EPHB2: variants seen among roughly 807,000 people sequenced by gnomAD.
The protein encoded by EPHB2 is EPH receptor B2.
In EPHB2, 18 loss-of-function variants were observed where a neutral mutation model predicts 96.4. The observed-to-expected ratio is 0.19, with a 90% CI of 0.13 to 0.28. The LOEUF (loss-of-function observed/expected upper bound fraction) is 0.28. Among genes scored for constraint, EPHB2 ranks in the 10% least tolerant of loss-of-function variants. The pLI, the probability that EPHB2 is intolerant of heterozygous loss-of-function variation, is 1.00. For missense variants in EPHB2, 989 were observed against 1,355.4 expected, an observed-to-expected ratio of 0.73 and a Z score of 4.25; for synonymous variants, 506 against 534.1, an observed-to-expected ratio of 0.95 and a Z score of 0.72.
chr1:22,740,860 A>G (rs1275955589), intron 1 of EPHB2, among the ~76,000 whole-genome samples: 1 of 151,238 alleles, frequency 6.6e-6, no homozygotes, highest in Non-Finnish European at 1.5e-5. Context: ...TCGGAGTGTC[A>G]TTTTCCTCAT....
intron 2 of EPHB2, among the ~76,000 whole-genome samples, chr1:22,783,226 T>G (rs1644559800): frequency 6.6e-6 from 1 of 152,198 alleles, no homozygotes; most frequent in Non-Finnish European, 1.5e-5. Context: ...CCTCATCCTC[T>G]GTAAAAGGGG....
chr1:22,802,807 A>G (rs1272030167), intron 3 of EPHB2, among the ~76,000 whole-genome samples: 4 of 152,184 alleles, frequency 2.6e-5, no homozygotes, highest in African/African-American at 9.7e-5. Context: ...CAGCTCACGG[A>G]CCAGCAAATG....
chr1:22,839,584 G>C (rs775024332), intron 3 of EPHB2, among the ~76,000 whole-genome samples: 11 of 152,174 alleles, frequency 7.2e-5, no homozygotes, highest in Non-Finnish European at 8.8e-5. Context: ...ACAGGGTTAG[G>C]GGGCAGGGTG....
intron 7 of EPHB2, among the ~76,000 whole-genome samples, chr1:22,894,090 T>C (rs1346804317): frequency 6.6e-6 from 1 of 152,250 alleles, no homozygotes; most frequent in Non-Finnish European, 1.5e-5. Flanking sequence ...GTAATCTTTC[T>C]GTTCCTCGTG....
intron 1 of EPHB2, among the ~76,000 whole-genome samples, chr1:22,744,870 G>GA (rs970377519): frequency 2.6e-5 from 4 of 151,474 alleles, no homozygotes; most frequent in African/African-American, 9.7e-5. Context: ...GAAAAAAAAA[G>GA]AAAAAAAGAA....
intron 3 of EPHB2, among the ~76,000 whole-genome samples, chr1:22,805,062 A>G (rs1169834766): frequency 1.4e-5 from 2 of 145,468 alleles, no homozygotes; most frequent in Non-Finnish European, 3.0e-5. Flanking sequence ...AGCAAGGGGC[A>G]CAGGTACCTA....
chr1:22,866,343 G>T (rs1638476604), intron 5 of EPHB2, among the ~76,000 whole-genome samples: 1 of 152,148 alleles, frequency 6.6e-6, no homozygotes. Flanking sequence ...GGCCCACATG[G>T]TAAGCATGCA....
At chr1:22,907,836 A>AG in intron 11 of EPHB2, 117 bp from the exon 12 acceptor site, 1 of 1,289,494 alleles carries the variant, frequency 7.8e-7, no homozygotes, top group Non-Finnish European at 1.1e-6. Context: ...GTCCTTCCCC[A>AG]GGGGAGCCCA....
At chr1:22,803,685 ATATATATGTGTGTATATATATG>A (rs1644881326) in intron 3 of EPHB2, among the ~76,000 whole-genome samples, 2 of 109,548 alleles carry the variant, frequency 1.8e-5, no homozygotes, top group Non-Finnish European at 3.9e-5. Flanking sequence ...GTATATATGT[ATATATATGTGTGTATATATATG>A]TATATGTGTA....
intron 5 of EPHB2, among the ~76,000 whole-genome samples, chr1:22,873,119 A>T (rs1432544482): frequency 1.3e-5 from 2 of 152,246 alleles, no homozygotes; most frequent in East Asian, 3.8e-4. Context: ...ATCAACCATT[A>T]ACCACAAAGC....
At chr1:22,754,048 C>T (rs1644105728) in intron 1 of EPHB2, among the ~76,000 whole-genome samples, 1 of 152,180 alleles carries the variant, frequency 6.6e-6, no homozygotes, top group Non-Finnish European at 1.5e-5. Flanking sequence ...GGGTTCCAGG[C>T]CGCTGTAAGG....
chr1:22,760,172 C>G (rs1570229469), intron 1 of EPHB2, among the ~76,000 whole-genome samples: 1 of 152,186 alleles, frequency 6.6e-6, no homozygotes, highest in African/African-American at 2.4e-5. Context: ...GTCTTGCCCC[C>G]CAAGACCCCA....
rs1639211835 is a variant in EPHB2, at chr1:22,885,979, G to A, written c.1428+3496G>A. Among the ~76,000 whole-genome samples the A allele has an allele frequency of 2.0e-5, 3 of 152,146 alleles. No homozygotes were observed. The South Asian group carries it at 6.2e-4, about 32-fold the overall frequency. ...GGTCAGGCACTAAGCTGGGTACCAG[G>A]AATCCTGAGGGTGCCAGGTGGCTCG... On this transcript the variant is annotated intron_variant, in intron 6 of 15. Coordinates refer to ENST00000374630, the MANE Select transcript of EPHB2 (RefSeq NM_017449.5).
At chr1:22,901,508 G>C (rs926932255) in intron 9 of EPHB2, among the ~76,000 whole-genome samples, 1 of 152,252 alleles carries the variant, frequency 6.6e-6, no homozygotes, top group African/African-American at 2.4e-5. Context: ...TGAGGGCAGA[G>C]CAACAGCCAG....
At chr1:22,839,185 C>T (rs1469670481) in intron 3 of EPHB2, among the ~76,000 whole-genome samples, 1 of 152,150 alleles carries the variant, frequency 6.6e-6, no homozygotes, top group Admixed American at 6.5e-5. Context: ...CCTGCCAACC[C>T]ACATGCTACT....
chr1:22,834,568 G>A (rs1277927447), intron 3 of EPHB2, among the ~76,000 whole-genome samples: 1 of 152,006 alleles, frequency 6.6e-6, no homozygotes, highest in Non-Finnish European at 1.5e-5. Flanking sequence ...CATAAAATCA[G>A]CCATAGGCAA....
intron 1 of EPHB2, among the ~76,000 whole-genome samples, chr1:22,752,786 C>T (rs976825462): frequency 6.6e-6 from 1 of 152,052 alleles, no homozygotes; most frequent in Non-Finnish European, 1.5e-5. Flanking sequence ...CACACATGCA[C>T]ACACACATAT....
chr1:22,884,675 G>A (rs1305220025), intron 6 of EPHB2, among the ~76,000 whole-genome samples: 1 of 150,756 alleles, frequency 6.6e-6, no homozygotes, highest in Admixed American at 6.6e-5. Context: ...ATATGGATGG[G>A]TAGATAAATG....
chr1:22,716,986 CTG>C (rs1374599319), intron 1 of EPHB2, among the ~76,000 whole-genome samples: 1 of 152,202 alleles, frequency 6.6e-6, no homozygotes, highest in African/African-American at 2.4e-5. Context: ...GTTGGGGAGT[CTG>C]TATTTTTAAC....
Sources: allele counts gnomAD v4.1 joint callset (sites outside exome capture counted in the v4.1 genomes callset), GRCh38; gene constraint gnomAD v4.1.1; transcripts MANE v1.5; gene names NCBI Gene and HGNC (gene_info 2026-07-23, HGNC 2026-07-21).